Variants in PPP2R2B observed in about 807,000 individuals in gnomAD.
PPP2R2B encodes the protein protein phosphatase 2 regulatory subunit Bbeta, also known as serine/threonine-protein phosphatase 2A 55 kDa regulatory subunit B beta isoform.
A neutral mutation model predicts 46.0 loss-of-function variants in PPP2R2B; 5 were observed. The observed-to-expected ratio is 0.11, with a 90% CI of 0.06 to 0.23. The LOEUF (loss-of-function observed/expected upper bound fraction) is 0.23. Ranked by LOEUF, PPP2R2B falls within the 10% of genes least tolerant of loss-of-function variation. The pLI, the probability that PPP2R2B is intolerant of heterozygous loss-of-function variation, is 1.00. For synonymous variants in PPP2R2B, 215 were observed against 206.7 expected (o/e 1.04, Z -0.34); for missense variants, 367 against 575.0 (o/e 0.64, Z 3.70).
chr5:146,951,132 A>T (rs1463201810), intron 1 of PPP2R2B, among the ~76,000 whole-genome samples: 4 of 151,958 alleles, frequency 2.6e-5, no homozygotes, highest in Admixed American at 2.6e-4. Flanking sequence ...TCCAGATTTA[A>T]ATAAAGCATT....
chr5:146,980,140 A>T (rs1753101642), intron 1 of PPP2R2B, among the ~76,000 whole-genome samples: 1 of 152,190 alleles, frequency 6.6e-6, no homozygotes, highest in Non-Finnish European at 1.5e-5. Flanking sequence ...AAAAAAAGAA[A>T]TTCAGAACAG....
chr5:147,038,467 T>C (rs1270191698), intron 1 of PPP2R2B, among the ~76,000 whole-genome samples: 2 of 152,186 alleles, frequency 1.3e-5, no homozygotes, highest in African/African-American at 4.8e-5. Context: ...ATTGATAATT[T>C]TTCAAAGATT....
chr5:146,904,557 G>A (rs1169438177), intron 1 of PPP2R2B, among the ~76,000 whole-genome samples: 1 of 152,168 alleles, frequency 6.6e-6, no homozygotes, highest in African/African-American at 2.4e-5. Context: ...CAGAGAGGTT[G>A]TAAGCTTCTT....
At chr5:147,056,033 A>C (rs903308191), upstream of PPP2R2B, 203 of 1,221,212 alleles carry the variant, frequency 1.7e-4, no homozygotes, top group East Asian at 2.0e-4. Flanking sequence ...TTTGCTGAGT[A>C]AGTCAGTCCT....
At chr5:146,863,635 T>A (rs1761135600) in intron 2 of PPP2R2B, among the ~76,000 whole-genome samples, 1 of 148,738 alleles carries the variant, frequency 6.7e-6, no homozygotes, top group Non-Finnish European at 1.5e-5. Flanking sequence ...TGCCCATCCA[T>A]CCATCTATCC....
chr5:146,687,029 G>C (rs1469441937), intron 5 of PPP2R2B, among the ~76,000 whole-genome samples: 1 of 151,364 alleles, frequency 6.6e-6, no homozygotes, highest in Admixed American at 6.6e-5. Flanking sequence ...GTGTGTATGT[G>C]TGTGTGTGTG....
intron 1 of PPP2R2B, among the ~76,000 whole-genome samples, chr5:146,936,525 AAAAG>A: frequency 6.7e-6 from 1 of 148,950 alleles, no homozygotes. Flanking sequence ...AAAAAAAAAA[AAAAG>A]AAAAAACAAG....
At chr5:147,076,423 A>T (rs1325665204) in intron 2 of PPP2R2B, among the ~76,000 whole-genome samples, 1 of 152,198 alleles carries the variant, frequency 6.6e-6, no homozygotes, top group Admixed American at 6.5e-5. Context: ...TGCATAATCA[A>T]GAGGTTAGAA....
At chr5:146,823,778 C>T (rs940603870) in intron 2 of PPP2R2B, among the ~76,000 whole-genome samples, 1 of 152,018 alleles carries the variant, frequency 6.6e-6, no homozygotes, top group African/African-American at 2.4e-5. Context: ...AAATAACAGC[C>T]CTTAGTAGCC....
At chr5:146,637,116 T>A (rs1182461091) in intron 7 of PPP2R2B, among the ~76,000 whole-genome samples, 1 of 152,230 alleles carries the variant, frequency 6.6e-6, no homozygotes, top group Non-Finnish European at 1.5e-5. Context: ...TCTTGCCTCA[T>A]TAGCCAAATT....
intron 9 of PPP2R2B, among the ~76,000 whole-genome samples, chr5:146,591,525 A>AT (rs1262702683): frequency 1.3e-5 from 2 of 152,118 alleles, no homozygotes; most frequent in Non-Finnish European, 2.9e-5. Flanking sequence ...CACATTGCTA[A>AT]TTGGTGGTAA....
rs1491559113 is a variant in PPP2R2B at position 146,828,261 on chromosome 5, T to TTA, written c.70+49740_70+49741insTA. On this transcript the variant is annotated intron_variant, in intron 2 of 9. Transcript: ENST00000394411. ...CCTAAAATATTACTTTTACTTTTTT[T>TTA]AAAAAAAAAAAAGACATTCTCTTGC... Among the ~76,000 whole-genome samples the TTA allele has an allele frequency of 4.0e-3, 593 of 147,674 alleles. 8 individuals carry two copies. The highest frequency in any genetic ancestry group is 0.026 in the East Asian group (133 of 5,024).
intron 5 of PPP2R2B, among the ~76,000 whole-genome samples, chr5:146,677,656 T>C (rs1777830271): frequency 6.6e-6 from 1 of 151,584 alleles, no homozygotes; most frequent in Non-Finnish European, 1.5e-5. Flanking sequence ...GCCTCTCAAG[T>C]AGTTGGGACT....
intron 7 of PPP2R2B, among the ~76,000 whole-genome samples, chr5:146,625,845 C>T (rs994707603): frequency 6.6e-6 from 1 of 151,984 alleles, no homozygotes; most frequent in Non-Finnish European, 1.5e-5. Context: ...GTGGGCCCAG[C>T]GTAATCACAA....
At chr5:146,993,325 C>A (rs1446868878) in intron 1 of PPP2R2B, among the ~76,000 whole-genome samples, 1 of 152,112 alleles carries the variant, frequency 6.6e-6, no homozygotes, top group Non-Finnish European at 1.5e-5. Context: ...TCACTGCAGC[C>A]TCTGCCTCCT....
chr5:146,999,430 G>A (rs919309201), intron 1 of PPP2R2B, among the ~76,000 whole-genome samples: 2 of 152,120 alleles, frequency 1.3e-5, no homozygotes, highest in African/African-American at 4.8e-5. Context: ...CCACTTTGGA[G>A]TTAAAAAACA....
chr5:146,779,967 G>A (rs1437822264), intron 2 of PPP2R2B, among the ~76,000 whole-genome samples: 1 of 152,110 alleles, frequency 6.6e-6, no homozygotes, highest in Non-Finnish European at 1.5e-5. Context: ...TGGAGATTCT[G>A]GACACTAAAT....
exon 1 of PPP2R2B, chr5:147,055,666 T>C: frequency 1.2e-6 from 2 of 1,607,788 alleles, no homozygotes; most frequent in Non-Finnish European, 1.7e-6. Flanking sequence ...GGTCTGTACC[T>C]TCTGTGTGGC....
chr5:146,695,651 C>A (rs1042297999), intron 4 of PPP2R2B, among the ~76,000 whole-genome samples: 2 of 152,050 alleles, frequency 1.3e-5, no homozygotes, highest in Non-Finnish European at 2.9e-5. Flanking sequence ...TATCTTGAAG[C>A]TTTGTGAATA....
Sources: gnomAD v4.1 joint callset for allele counts (sites outside exome capture counted in the v4.1 genomes callset) on GRCh38, gnomAD v4.1.1 for gene constraint, MANE v1.5 for transcripts, NCBI Gene and HGNC (gene_info 2026-07-23, HGNC 2026-07-21) for gene names.